The following ZNF644 variants were observed in gnomAD, a reference collection of about 807,000 sequenced individuals.
The protein encoded by ZNF644 is zinc finger motif enhancer binding protein 2.
A neutral mutation model predicts 108.0 loss-of-function variants in ZNF644; 20 were observed. That is an observed-to-expected ratio of 0.19 (90% confidence interval 0.13 to 0.27). The LOEUF (loss-of-function observed/expected upper bound fraction) is 0.27. ZNF644 is among the 10% of genes least tolerant of loss of function. The probability of loss-of-function intolerance (pLI) is 1.00; values close to 1 mark genes in which losing one functional copy is unlikely to be tolerated. For synonymous variants in ZNF644, 542 were observed against 539.1 expected (o/e 1.01, Z -0.08); for missense variants, 1,338 against 1,548.9 (o/e 0.86, Z 2.29).
intron 1 of ZNF644, among the ~76,000 whole-genome samples, chr1:91,014,326 C>A (rs1046415759): frequency 1.3e-5 from 2 of 151,890 alleles, no homozygotes; most frequent in Admixed American, 6.6e-5. Context: ...AAGCTTTTTT[C>A]TTTTATGAAT....
intron 2 of ZNF644, among the ~76,000 whole-genome samples, chr1:90,947,187 T>C (rs1427542608): frequency 6.6e-6 from 1 of 152,186 alleles, no homozygotes. Context: ...GGCAATAAAT[T>C]ACAGCTGCAA....
chr1:90,924,031 G>C (rs1649755451), intron 4 of ZNF644, among the ~76,000 whole-genome samples: 1 of 152,236 alleles, frequency 6.6e-6, no homozygotes, highest in African/African-American at 2.4e-5. Context: ...GATTACTAAA[G>C]GGTATTTTGA....
rs1285585806 is a variant in ZNF644, at chr1:90,916,773, T to C, written c.*25A>G. 5 of 1,612,644 alleles carry C rather than the reference T, an allele frequency of 3.1e-6. No individual in the cohort carries two copies. The highest frequency in any genetic ancestry group is 1.1e-5 in the South Asian group (1 of 91,024). On this transcript the variant is annotated 3_prime_UTR_variant, in exon 6 of 6. Coordinates refer to ENST00000337393, the MANE Select transcript of ZNF644 (RefSeq NM_201269.3). ...TTTCAAATTTACATCCAATTCAAAC[T>C]GGCTATTTAAAAGGTTTCCTGGTTC...
At chr1:90,951,876 T>C (rs1241563720) in intron 2 of ZNF644, among the ~76,000 whole-genome samples, 1 of 152,162 alleles carries the variant, frequency 6.6e-6, no homozygotes, top group Non-Finnish European at 1.5e-5. Flanking sequence ...AATGCTCCAG[T>C]GTGTAAAAAC....
At chr1:90,918,966 G>A (rs1649117504) in intron 4 of ZNF644, among the ~76,000 whole-genome samples, 1 of 151,382 alleles carries the variant, frequency 6.6e-6, no homozygotes, top group South Asian at 2.1e-4. Context: ...ATTTTAAAAT[G>A]TGATTTGAAA....
intron 2 of ZNF644, among the ~76,000 whole-genome samples, chr1:90,971,257 C>A (rs1655442116): frequency 1.4e-5 from 2 of 145,220 alleles, no homozygotes; most frequent in Admixed American, 6.9e-5. Context: ...TGTAACACAG[C>A]ACATTAACAA....
chr1:90,931,212 A>C, intron 4 of ZNF644, among the ~76,000 whole-genome samples: 1 of 152,082 alleles, frequency 6.6e-6, no homozygotes, highest in East Asian at 1.9e-4. Context: ...AAAAAAAGCT[A>C]ATCAGTAAAA....
chr1:90,976,285 A>G (rs930165943), intron 2 of ZNF644, among the ~76,000 whole-genome samples: 2 of 152,120 alleles, frequency 1.3e-5, no homozygotes, highest in African/African-American at 2.4e-5. Context: ...CTACTACACT[A>G]TACTACTCAG....
intron 1 of ZNF644, among the ~76,000 whole-genome samples, chr1:91,001,924 C>G (rs1443387561): frequency 6.6e-6 from 1 of 152,172 alleles, no homozygotes; most frequent in Non-Finnish European, 1.5e-5. Flanking sequence ...AACTCCCATT[C>G]ACAATTGCTT....
intron 4 of ZNF644, among the ~76,000 whole-genome samples, chr1:90,927,978 G>A (rs1355626584): frequency 1.1e-4 from 15 of 140,424 alleles, no homozygotes; most frequent in East Asian, 6.5e-4. Flanking sequence ...TGAGTAGCTG[G>A]GATTACAGGC....
intron 2 of ZNF644, among the ~76,000 whole-genome samples, chr1:90,966,040 C>A (rs536574955): frequency 6.6e-6 from 1 of 152,110 alleles, no homozygotes; most frequent in African/African-American, 2.4e-5. Flanking sequence ...CATGAGCCAC[C>A]GCGCCTGGCC....
intron 4 of ZNF644, among the ~76,000 whole-genome samples, chr1:90,929,340 T>C (rs1295081839): frequency 6.6e-6 from 1 of 152,194 alleles, no homozygotes; most frequent in East Asian, 1.9e-4. Context: ...TCAACAATCC[T>C]TTCCTAATTT....
At chr1:91,001,370 G>A (rs542043550) in intron 1 of ZNF644, among the ~76,000 whole-genome samples, 1 of 152,266 alleles carries the variant, frequency 6.6e-6, no homozygotes, top group African/African-American at 2.4e-5. Flanking sequence ...GGGATGCAAG[G>A]CTGGTTCAAC....
chr1:91,002,262 T>C (rs1658924554), intron 1 of ZNF644, among the ~76,000 whole-genome samples: 1 of 152,158 alleles, frequency 6.6e-6, no homozygotes, highest in African/African-American at 2.4e-5. Flanking sequence ...GGCATCACGC[T>C]ACCTGACTTC....
chr1:90,917,231 A>G (rs1445508514), intron 5 of ZNF644, among the ~76,000 whole-genome samples: 1 of 152,220 alleles, frequency 6.6e-6, no homozygotes, highest in Admixed American at 6.5e-5. Flanking sequence ...TAAAATTAAC[A>G]TCTACACATC....
At chr1:90,927,426 G>A (rs142987932) in intron 4 of ZNF644, among the ~76,000 whole-genome samples, 81 of 152,156 alleles carry the variant, frequency 5.3e-4, no homozygotes, top group Admixed American at 1.4e-3. Flanking sequence ...AATTAGTAGA[G>A]TATCTATAAG....
In ZNF644 at chr1:90,983,481, CAAAAAAA is replaced by C. The variant is rs768476839; in HGVS notation, c.-17-1118_-17-1112del. ...AATCTGACAATGTTACCTCATATGG[CAAAAAAA>C]AAAAAAAAAAAAAGAAGAAGTCTTT... On this transcript the variant is annotated intron_variant, in intron 1 of 5. Coordinates refer to ENST00000337393, the MANE Select transcript of ZNF644 (RefSeq NM_201269.3). Among the ~76,000 whole-genome samples, 233 of 63,444 alleles carry C rather than the reference CAAAAAAA, an allele frequency of 3.7e-3. 3 individuals carry two copies. Among genetic ancestry groups the C allele is most frequent in the Middle Eastern group, 0.033 (3 of 92 alleles). 41.6% of individuals were successfully genotyped at this position (63,444 alleles called of 152,430 possible). A position where few individuals can be genotyped will look rare whatever the true frequency, so the allele number is the denominator to read the frequency against.
rs508608 is a variant in ZNF644 at position 90,963,059 on chromosome 1, G to C, written c.44+19251C>G. Among the ~76,000 whole-genome samples the C allele has an allele frequency of 1.5e-3, 232 of 152,112 alleles. 4 individuals carry two copies. The highest frequency in any genetic ancestry group is 0.01 in the Middle Eastern group (3 of 294). On this transcript the variant is annotated intron_variant, in intron 2 of 5. Transcript: ENST00000337393. The stretch of plus-strand genomic sequence containing the variant: ...ATTTTTTAAATGTAACTAACAAAGA[G>C]TCTGTATTTAGAGCATATAAAAACT...
chr1:90,971,306 A>C (rs1436027988), intron 2 of ZNF644, among the ~76,000 whole-genome samples: 3 of 130,884 alleles, frequency 2.3e-5, no homozygotes, highest in African/African-American at 8.9e-5. Context: ...CAATTGATGC[A>C]AAAAAAAAAA....
Sources: allele counts gnomAD v4.1 joint callset (sites outside exome capture counted in the v4.1 genomes callset), GRCh38; gene constraint gnomAD v4.1.1; transcripts MANE v1.5; gene names NCBI Gene and HGNC (gene_info 2026-07-23, HGNC 2026-07-21).